The following LRP1 variants were observed in gnomAD, a reference collection of about 807,000 sequenced individuals.
The protein encoded by LRP1 is LDL receptor related protein 1, also known as prolow-density lipoprotein receptor-related protein 1.
A neutral mutation model predicts 541.5 loss-of-function variants in LRP1; 51 were observed. The observed-to-expected ratio is 0.09, with a 90% CI of 0.08 to 0.12. LRP1 has a LOEUF of 0.12. LRP1 is among the 10% of genes least tolerant of loss of function. The pLI is 1.00. For synonymous variants in LRP1, 2,219 were observed against 2,470.8 expected (o/e 0.90, Z 3.02); for missense variants, 3,878 against 6,376.2 (o/e 0.61, Z 13.34).
chr12:57,184,491 C>A lies in LRP1; in HGVS notation c.6186+39C>A. The A allele has an allele frequency of 6.2e-7, 1 of 1,612,848 alleles. No individual in the cohort carries two copies. On this transcript the variant is annotated intron_variant, in intron 38 of 88. Transcript: ENST00000243077. This position sits in a 1 kb window ranked among gnomAD's most constrained non-coding sequence, Gnocchi z 7.8. The stretch of plus-strand genomic sequence containing the variant: ...CTTGGCCTTGGATCCGATGGTAGAC[C>A]CCTGACCCAGGCTCCTGTTCCCTGT...
Position 57,202,542 on chromosome 12 carries a change from G to GGGGGGGGGC in LRP1, c.10711+5_10711+6insGGGGGGGGC. The GGGGGGGGGC allele has an allele frequency of 6.4e-7, 1 of 1,563,802 alleles. No individual in the cohort carries two copies. On this transcript the variant is annotated splice_donor_region_variant and intron_variant, in intron 68 of 88. Transcript: ENST00000243077. ...ACTCCGATGAAGAGAGCTGCAGTACGTCCCCACCCACCCAGCCCCGCATGA... is the reference window on the plus strand; with the variant it reads ...ACTCCGATGAAGAGAGCTGCAGTACGGGGGGGGGCTCCCCACCCACCCAGCCCCGCATGA...
At position 57,184,375 on chromosome 12, in the gene LRP1, C is replaced by T. The variant is rs193167795; in HGVS notation, c.6109C>T (p.Arg2037Trp). ...WGQYPRIERS[R>W]LDGTERVVLV... ...TCAGTATCCGCGTATTGAGCGGTCT[C>T]GGCTAGATGGCACGGAGCGTGTGGT... Residue 2037 changes from arginine (R) to tryptophan (W), a missense_variant, in exon 38 of 89, where the codon CGG becomes TGG. Arg to Trp is a moderately radical substitution (Grantham distance 101). Transcript: ENST00000243077. The surrounding 1 kb of genome is among the most constrained non-coding windows in gnomAD (Gnocchi z 7.8). The T allele has an allele frequency of 6.8e-5, 109 of 1,614,234 alleles. 1 individual carries two copies. The highest frequency in any genetic ancestry group is 6.3e-4 in the African/African-American group (47 of 75,052).
rs1327544994 is a variant in LRP1 at position 57,199,388 on chromosome 12, C to T, written c.9853C>T (p.Arg3285Cys). ...GGACCTGCATGTCTTCCATGCCCTGCGCCAGCCAGACGGTGAGCAGGCAAG... is the reference window on the plus strand; with the variant it reads ...GGACCTGCATGTCTTCCATGCCCTGTGCCAGCCAGACGGTGAGCAGGCAAG... ...PMDLHVFHAL[R>C]QPDVPNHPCK... The change falls in exon 61 of 89, where the codon CGC (arginine) becomes TGC (cysteine). Residue 3285 changes from arginine (R) to cysteine (C), a missense_variant. By Grantham distance (180) the Arg-to-Cys change is radical. Around this residue, in one of 13 missense-constraint regions of LRP1, gnomAD observed 1,100 missense variants for 1,827.4 expected, o/e 0.60. Coordinates refer to ENST00000243077, the MANE Select transcript of LRP1 (RefSeq NM_002332.3). 11 of 1,609,172 alleles carry T rather than the reference C, an allele frequency of 6.8e-6. No homozygotes were observed. The highest frequency in any genetic ancestry group is 2.2e-5 in the East Asian group (1 of 44,814).
Position 57,197,116 on chromosome 12 carries a change from G to A in LRP1, c.9027G>A (p.Glu3009=), listed in dbSNP as rs1020315370. The A allele has an allele frequency of 5.6e-6, 9 of 1,613,966 alleles. No homozygotes were observed. The highest frequency in any genetic ancestry group is 1.3e-5 in the African/African-American group (1 of 74,940). ...GCAGCTATAAGTGTCTGTGTGTGGA[G>A]GGCTATGCACCCCGCGGCGGCGACC... ...THGSYKCLCV[E]GYAPRGGDPH... The change falls in exon 56 of 89, where the codon GAG becomes GAA. Residue 3009 remains glutamate, a synonymous_variant. Coordinates refer to ENST00000243077, the MANE Select transcript of LRP1 (RefSeq NM_002332.3). This position sits in a 1 kb window ranked among gnomAD's most constrained non-coding sequence, Gnocchi z 4.5.
chr12:57,199,766 C>T (rs2036609308), intron 61 of LRP1, 111 bp from the exon 62 acceptor site: 1 of 1,329,852 alleles, frequency 7.5e-7, no homozygotes. Context: ...CAGCTCCCTC[C>T]TAAAAGAGGC....
chr12:57,194,509 C>T lies in LRP1; in HGVS notation c.8068+6C>T, dbSNP rs766778756. 6.2e-6 allele frequency: 10 copies of T among 1,608,094 alleles called. No individual in the cohort carries two copies. The highest frequency in any genetic ancestry group is 7.6e-6 in the Non-Finnish European group (9 of 1,177,720). ...TGATGAGCGCGACTGCCCAGGTGGG[C>T]GGGGGCAGGTGTGTGGTGGGTGGTG... On this transcript the variant is annotated splice_donor_region_variant and intron_variant, in intron 49 of 88. Coordinates refer to ENST00000243077, the MANE Select transcript of LRP1 (RefSeq NM_002332.3).
intron 34 of LRP1, among the ~76,000 whole-genome samples, chr12:57,181,604 C>T (rs2036168011): frequency 1.3e-5 from 2 of 152,082 alleles, no homozygotes; most frequent in Non-Finnish European, 2.9e-5. Flanking sequence ...GTGCAGGAGC[C>T]CCAGCCAAGA....
chr12:57,149,913 C>T (rs2035494136), intron 6 of LRP1: 1 of 617,786 alleles, frequency 1.6e-6, no homozygotes, highest in African/African-American at 1.8e-5. Flanking sequence ...AGTAGGATTA[C>T]TAGACAGACT....
chr12:57,142,147 C>A (rs2035305301), intron 3 of LRP1, among the ~76,000 whole-genome samples: 1 of 152,088 alleles, frequency 6.6e-6, no homozygotes, highest in Admixed American at 6.5e-5. Context: ...ACAGTCTTTC[C>A]CCCAAAGGGC....
At chr12:57,138,844 C>T (rs918453891) in intron 2 of LRP1, among the ~76,000 whole-genome samples, 1 of 152,224 alleles carries the variant, frequency 6.6e-6, no homozygotes, top group African/African-American at 2.4e-5. Context: ...GACAGCTTTG[C>T]TAGAAGATGG....
At position 57,209,126 on chromosome 12, in the gene LRP1, C is replaced by T. The variant is rs531247454; in HGVS notation, c.12189C>T (p.Asp4063=). Residue 4063 remains aspartate (D), a synonymous_variant, in exon 79 of 89, where the codon GAC becomes GAT. Transcript: ENST00000243077. ...DYHNERLYWA[D]AKLSVIGSIR... is the part of the protein sequence containing the mutation. The stretch of plus-strand genomic sequence containing the variant: ...ACAATGAGCGGCTGTACTGGGCAGA[C>T]GCCAAGCTTTCAGTCATCGGCAGCA... 102 of 1,614,180 alleles carry T rather than the reference C, an allele frequency of 6.3e-5. 1 individual carries two copies. In the East Asian group the frequency reaches 9.4e-4, roughly 15 times the overall value.
chr12:57,138,265 C>G (rs539458141), intron 1 of LRP1, among the ~76,000 whole-genome samples, 194 bp from the exon 2 acceptor site: 2 of 151,982 alleles, frequency 1.3e-5, no homozygotes, highest in Non-Finnish European at 2.9e-5. Flanking sequence ...CCTCCCCACC[C>G]CCACCGCAGA....
chr12:57,200,123 A>G (rs1031549692), intron 62 of LRP1, 98 bp downstream of exon 62: 11 of 1,073,394 alleles, frequency 1.0e-5, no homozygotes, highest in Non-Finnish European at 1.5e-5. Context: ...GTCCTCATGC[A>G]TCTGGTTTTC....
Position 57,180,719 on chromosome 12 carries a change from C to T in LRP1, c.5439C>T (p.Ser1813=). ...DQVSEKMGTC[S]KADGSGSVVL... is the part of the protein sequence containing the mutation. ...TGTCGGAAAAGATGGGCACATGCAGCAAGGCTGACGGCTCGGGCTCCGTGG... is the reference window on the plus strand; with the variant it reads ...TGTCGGAAAAGATGGGCACATGCAGTAAGGCTGACGGCTCGGGCTCCGTGG... Residue 1813 remains serine, a synonymous_variant, in exon 33 of 89, where the codon AGC becomes AGT. Coordinates refer to ENST00000243077, the MANE Select transcript of LRP1 (RefSeq NM_002332.3). 5 of 1,614,086 alleles carry T rather than the reference C, an allele frequency of 3.1e-6. No homozygotes were observed. The highest frequency in any genetic ancestry group is 4.2e-6 in the Non-Finnish European group (5 of 1,179,930).
intron 20 of LRP1, among the ~76,000 whole-genome samples, chr12:57,172,136 T>C (rs1431089141): frequency 6.7e-6 from 1 of 150,188 alleles, no homozygotes; most frequent in African/African-American, 2.4e-5. Flanking sequence ...CTCGGCTCAC[T>C]GCAAGCTCTG....
At position 57,197,419 on chromosome 12, in the gene LRP1, C is replaced by T. The variant is rs2036559895; in HGVS notation, c.9162+35C>T. On this transcript the variant is annotated intron_variant, in intron 57 of 88. Transcript: ENST00000243077. The surrounding 1 kb of genome is among the most constrained non-coding windows in gnomAD (Gnocchi z 4.5). Reference sequence around the variant, plus strand: ...CCAGGCCCTCCTCCCCGCTGCCCATCTCCCAGACCCAGCACAGCCTCCCTT... The same window carrying T: ...CCAGGCCCTCCTCCCCGCTGCCCATTTCCCAGACCCAGCACAGCCTCCCTT... 6.8e-6 allele frequency: 11 copies of T among 1,609,646 alleles called. No homozygotes were observed. Among genetic ancestry groups the T allele is most frequent in the East Asian group, 2.2e-5 (1 of 44,820 alleles).
At position 57,192,923 on chromosome 12, in the gene LRP1, G is replaced by A; in HGVS notation, c.7508G>A (p.Cys2503Tyr). ...CTCACTCACCAGGGCCATGTCAACT[G>A]CTCATGCCGAGGGGGCCGAATCCTC... ...CLLTHQGHVN[C>Y]SCRGGRILQD... The change falls in exon 45 of 89, where the codon TGC (cysteine) becomes TAC (tyrosine). Residue 2503 changes from cysteine to tyrosine, a missense_variant. Coordinates refer to ENST00000243077, the MANE Select transcript of LRP1 (RefSeq NM_002332.3). 6.2e-7 allele frequency: 1 copy of A among 1,614,010 alleles called. No individual in the cohort carries two copies. The highest frequency in any genetic ancestry group is 8.5e-7 in the Non-Finnish European group (1 of 1,179,996).
rs563990783 is a variant in LRP1 at position 57,209,565 on chromosome 12, G to C, written c.12263-127G>C. ...CCACAGGAGGAGGAACCGGTGTGGG[G>C]AGAGAGAATTTGGTCTGGATGTGTT... On this transcript the variant is annotated intron_variant, in intron 79 of 88. Coordinates refer to ENST00000243077, the MANE Select transcript of LRP1 (RefSeq NM_002332.3). 2.9e-5 allele frequency: 22 copies of C among 753,202 alleles called. No homozygotes were observed. The South Asian group carries it at 3.5e-4, about 12-fold the overall frequency. The allele number at this position is 753,202 out of a possible 1,614,324, so 46.7% of individuals were successfully genotyped here. A position where few individuals can be genotyped will look rare whatever the true frequency, so the allele number is the denominator to read the frequency against.
rs2036919972 is a variant in LRP1 at position 57,211,657 on chromosome 12, C to T, written c.13193+69C>T. On this transcript the variant is annotated intron_variant, in intron 85 of 88. Transcript: ENST00000243077. This position sits in a 1 kb window ranked among gnomAD's most constrained non-coding sequence, Gnocchi z 4.3. ...CTTCCCCAGATTTGAGCAGGAGGAC[C>T]GTCAGGCCTCAGTGCCCACCCCCCG... 10 of 1,591,342 alleles carry T rather than the reference C, an allele frequency of 6.3e-6. No homozygotes were observed. The highest frequency in any genetic ancestry group is 2.2e-5 in the East Asian group (1 of 44,566).
Sources: allele counts gnomAD v4.1 joint callset (sites outside exome capture counted in the v4.1 genomes callset), GRCh38; gene constraint gnomAD v4.1.1; regional missense constraint gnomAD v4.1.1; non-coding constraint Gnocchi (gnomAD v3.1); transcripts MANE v1.5; gene names NCBI Gene and HGNC (gene_info 2026-07-23, HGNC 2026-07-21).